The following CYP19A1 variants were observed in gnomAD, a reference collection of about 807,000 sequenced individuals.
CYP19A1 encodes cytochrome P450 family 19 subfamily A member 1, also known as aromatase.
CYP19A1 carries 32 observed loss-of-function variants against 44.4 expected under a neutral mutation model. The observed-to-expected ratio is 0.72, with a 90% CI of 0.54 to 0.97. The LOEUF (loss-of-function observed/expected upper bound fraction) is 0.97, where lower values mean the gene tolerates loss of function less well. CYP19A1 is among the 50% of genes least tolerant of loss of function. The pLI, the probability that CYP19A1 is intolerant of heterozygous loss-of-function variation, is 0.00. For missense variants in CYP19A1, 598 were observed against 637.8 expected, an observed-to-expected ratio of 0.94 and a Z score of 0.67; for synonymous variants, 212 against 215.6, an observed-to-expected ratio of 0.98 and a Z score of 0.14.
intron 2 of CYP19A1, 106 bp from the exon 3 acceptor site, chr15:51,237,115 T>C: frequency 1.6e-6 from 2 of 1,239,980 alleles, no homozygotes; most frequent in East Asian, 2.5e-5. Flanking sequence ...GTTCTTTACA[T>C]GTGATGTATA....
intron 1 of CYP19A1, among the ~76,000 whole-genome samples, chr15:51,334,478 G>C (rs117364239): frequency 6.6e-6 from 1 of 152,172 alleles, no homozygotes; most frequent in African/African-American, 2.4e-5. Context: ...ACAGTGGCTC[G>C]AGTTCCATAA....
At chr15:51,259,746 C>T (rs2034645182) in intron 1 of CYP19A1, among the ~76,000 whole-genome samples, 1 of 152,132 alleles carries the variant, frequency 6.6e-6, no homozygotes, top group Admixed American at 6.5e-5. Flanking sequence ...AAATGCTAGA[C>T]AGATGGGGAG....
chr15:51,270,982 T>A (rs1161716386), intron 1 of CYP19A1, among the ~76,000 whole-genome samples: 1 of 152,136 alleles, frequency 6.6e-6, no homozygotes, highest in Non-Finnish European at 1.5e-5. Context: ...CCAAATTGCT[T>A]TCTGAGGGTA....
At chr15:51,219,701 T>TG (rs2031903366) in intron 5 of CYP19A1, among the ~76,000 whole-genome samples, 1 of 152,196 alleles carries the variant, frequency 6.6e-6, no homozygotes, top group Non-Finnish European at 1.5e-5. Flanking sequence ...TGTAACTCTG[T>TG]GGGTTGCACA....
intron 1 of CYP19A1, among the ~76,000 whole-genome samples, chr15:51,301,451 CCTT>C (rs1405275995): frequency 6.6e-6 from 1 of 152,206 alleles, no homozygotes; most frequent in Non-Finnish European, 1.5e-5. Context: ...GACCAAGGCT[CCTT>C]CTGCCAAGGC....
At chr15:51,318,127 C>A (rs1392555486) in intron 1 of CYP19A1, among the ~76,000 whole-genome samples, 2 of 152,102 alleles carry the variant, frequency 1.3e-5, no homozygotes, top group Non-Finnish European at 2.9e-5. Context: ...GGGGTGCTAT[C>A]CCACTGTGTA....
intron 1 of CYP19A1, among the ~76,000 whole-genome samples, chr15:51,282,573 A>G (rs904410382): frequency 2.6e-5 from 4 of 152,216 alleles, no homozygotes; most frequent in Admixed American, 1.3e-4. Context: ...CACAGCCTCC[A>G]TACTTGCGTT....
intron 1 of CYP19A1, among the ~76,000 whole-genome samples, chr15:51,261,665 T>C (rs1189959208): frequency 6.6e-6 from 1 of 152,178 alleles, no homozygotes; most frequent in African/African-American, 2.4e-5. Flanking sequence ...AACTGACCAC[T>C]TGACAAGTGC....
Position 51,309,073 on chromosome 15 carries a change from C to A in CYP19A1, c.-39+29422G>T, listed in dbSNP as rs900790673. 1.1e-4 allele frequency among the ~76,000 whole-genome samples: 16 copies of A among 152,204 alleles called. No homozygotes were observed. In the South Asian group the frequency reaches 1.5e-3, roughly 14 times the overall value. On this transcript the variant is annotated intron_variant, in intron 1 of 9. Coordinates refer to ENST00000396402, the MANE Select transcript of CYP19A1 (RefSeq NM_000103.4). ...GTTATGGACTGAGTGTTTGTGTTCC[C>A]CCAAAATTCACATGTTGAAATTGAA... is the stretch of plus-strand genomic sequence containing the variant.
At chr15:51,283,589 A>C (rs992377300) in intron 1 of CYP19A1, among the ~76,000 whole-genome samples, 1 of 152,222 alleles carries the variant, frequency 6.6e-6, no homozygotes, top group African/African-American at 2.4e-5. Context: ...AATATGCCCC[A>C]TTTCTCAGGC....
intron 3 of CYP19A1, among the ~76,000 whole-genome samples, chr15:51,232,705 T>C (rs2033122552): frequency 6.6e-6 from 1 of 152,246 alleles, no homozygotes; most frequent in South Asian, 2.1e-4. Flanking sequence ...TCAAAATATG[T>C]CCAGAATTTT....
intron 1 of CYP19A1, among the ~76,000 whole-genome samples, chr15:51,297,838 A>ACC (rs1204415426): frequency 6.0e-5 from 9 of 150,368 alleles, no homozygotes; most frequent in African/African-American, 1.5e-4. Context: ...ACACACACAC[A>ACC]CACACACACA....
intron 1 of CYP19A1, among the ~76,000 whole-genome samples, chr15:51,305,772 G>C (rs1203123623): frequency 6.6e-6 from 1 of 152,104 alleles, no homozygotes; most frequent in Non-Finnish European, 1.5e-5. Context: ...TGTTGGCCAG[G>C]CTGGTCTCGA....
At chr15:51,290,389 C>G (rs540684652) in intron 1 of CYP19A1, among the ~76,000 whole-genome samples, 1 of 152,282 alleles carries the variant, frequency 6.6e-6, no homozygotes, top group East Asian at 1.9e-4. Context: ...TGCCTTCTGA[C>G]CACATGATAA....
intron 1 of CYP19A1, among the ~76,000 whole-genome samples, chr15:51,270,862 T>C (rs928085911): frequency 5.3e-5 from 8 of 152,144 alleles, no homozygotes; most frequent in African/African-American, 1.9e-4. Flanking sequence ...ACCGACTGTC[T>C]TGTGTTCATT....
chr15:51,209,063 G>A lies in CYP19A1; in HGVS notation c.*1745C>T, dbSNP rs1014617995. 1.3e-5 allele frequency: 2 copies of A among 152,006 alleles called. No homozygotes were observed. Among genetic ancestry groups the A allele is most frequent in the Non-Finnish European group, 2.9e-5 (2 of 68,002 alleles). 9.4% of individuals were successfully genotyped at this position (152,006 alleles called of 1,614,324 possible). Reference sequence around the variant, plus strand: ...TGCAAATCCTGGCCTTGCTTTTAGGGGTCTAAGTTATTTGGATGATTGTCT... The same window carrying A: ...TGCAAATCCTGGCCTTGCTTTTAGGAGTCTAAGTTATTTGGATGATTGTCT... On this transcript the variant is annotated 3_prime_UTR_variant, in exon 10 of 10. Coordinates refer to ENST00000396402, the MANE Select transcript of CYP19A1 (RefSeq NM_000103.4).
At chr15:51,229,910 TAAAAAG>T in intron 3 of CYP19A1, among the ~76,000 whole-genome samples, 1 of 152,340 alleles carries the variant, frequency 6.6e-6, no homozygotes, top group South Asian at 2.1e-4. Context: ...TAATCAGTTT[TAAAAAG>T]AGAGTAAGAA....
At chr15:51,213,796 T>C (rs4774583) in intron 8 of CYP19A1, among the ~76,000 whole-genome samples, 64,682 of 152,018 alleles carry the variant, frequency 0.43, 15,006 homozygotes, top group Non-Finnish European at 0.53. Flanking sequence ...CTCTCTTTAC[T>C]GTATTGAGCT....
intron 1 of CYP19A1, among the ~76,000 whole-genome samples, chr15:51,253,470 A>G (rs1032280424): frequency 8.6e-5 from 13 of 151,898 alleles, no homozygotes; most frequent in African/African-American, 3.1e-4. Context: ...CCCTCTTGTC[A>G]CAGCTATATT....
Sources: allele counts gnomAD v4.1 joint callset (sites outside exome capture counted in the v4.1 genomes callset), GRCh38; gene constraint gnomAD v4.1.1; transcripts MANE v1.5; gene names NCBI Gene and HGNC (gene_info 2026-07-23, HGNC 2026-07-21).